DNAAF4: variants seen among roughly 807,000 people sequenced by gnomAD.
DNAAF4 encodes dynein axonemal assembly factor 4.
DNAAF4 carries 43 observed loss-of-function variants against 51.8 expected under a neutral mutation model. The ratio of observed to expected loss-of-function variants is 0.83; its 90% CI spans 0.65 to 1.07. DNAAF4 has a LOEUF of 1.07. Among genes scored for constraint, DNAAF4 ranks in the 50% least tolerant of loss-of-function variants. The probability of loss-of-function intolerance (pLI) is 0.00; values close to 1 mark genes in which losing one functional copy is unlikely to be tolerated. For missense variants in DNAAF4, 581 were observed against 493.0 expected (o/e 1.18, Z -1.69); for synonymous variants, 194 against 165.6 (o/e 1.17, Z -1.32).
chr15:55,434,983 C>T lies in DNAAF4; in HGVS notation c.969G>A (p.Met323Ile). The change falls in exon 8 of 10, where the codon ATG becomes ATA. Residue 323 changes from methionine (M) to isoleucine (I), a missense_variant. Coordinates refer to ENST00000321149, the MANE Select transcript of DNAAF4 (RefSeq NM_130810.4). ...CAGCCCGGTTCAAATACAATAGTGG[C>T]ATCTTATTATTTAGTCTTATGGCTA... ...YNLAIRLNNKMPLLYLNRAAC... is the reference protein window; with the variant it reads ...YNLAIRLNNKIPLLYLNRAAC... 6.2e-7 allele frequency: 1 copy of T among 1,613,096 alleles called. No homozygotes were observed. Among genetic ancestry groups the T allele is most frequent in the South Asian group, 1.1e-5 (1 of 90,700 alleles).
chr15:55,421,173 G>C (rs915469007), intron 7 of DNAAF4, among the ~76,000 whole-genome samples: 1 of 138,812 alleles, frequency 7.2e-6, no homozygotes, highest in Non-Finnish European at 1.5e-5. Context: ...CTGGGCAACA[G>C]AGTGAGACTA....
At chr15:55,462,970 G>GA (rs2058114757) in intron 5 of DNAAF4, among the ~76,000 whole-genome samples, 1 of 152,128 alleles carries the variant, frequency 6.6e-6, no homozygotes, top group Non-Finnish European at 1.5e-5. Flanking sequence ...CAGGAGTTTT[G>GA]AGGCCAGCCT....
chr15:55,479,116 TC>T (rs1045474961), intron 4 of DNAAF4, among the ~76,000 whole-genome samples: 3 of 150,956 alleles, frequency 2.0e-5, no homozygotes, highest in Non-Finnish European at 2.9e-5. Flanking sequence ...GCTATACTAA[TC>T]CTGAGACATC....
Position 55,498,593 on chromosome 15 carries a change from GAAAAA to G in DNAAF4, c.-255-14_-255-10del, listed in dbSNP as rs3049057. ...AAGTAGACCCATACCCTCTGCTTGA[GAAAAA>G]AAAAAAAAAAAAAAAGCACTCTGTG... On this transcript the variant is annotated splice_polypyrimidine_tract_variant and intron_variant, in intron 1 of 9. Coordinates refer to ENST00000321149, the MANE Select transcript of DNAAF4 (RefSeq NM_130810.4). 33 of 74,696 alleles carry G rather than the reference GAAAAA, an allele frequency of 4.4e-4. No homozygotes were observed. The highest frequency in any genetic ancestry group is 1.7e-3 in the African/African-American group (29 of 17,202). The allele number at this position is 74,696 out of a possible 1,614,324, so 4.6% of individuals were successfully genotyped here. A position where few individuals can be genotyped will look rare whatever the true frequency, so the allele number is the denominator to read the frequency against.
Position 55,476,162 on chromosome 15 carries a change from C to T in DNAAF4, c.406-9001G>A, listed in dbSNP as rs80040599. Among the ~76,000 whole-genome samples the T allele has an allele frequency of 1.6e-3, 244 of 152,214 alleles. 1 individual carries two copies. The highest frequency in any genetic ancestry group is 5.8e-3 in the African/African-American group (239 of 41,534). On this transcript the variant is annotated intron_variant, in intron 4 of 9. Transcript: ENST00000321149. Reference sequence around the variant, plus strand: ...GCTAATAGACCTGCTCTATAAGATACACTTTTTTAAAAAAGGGCAGGGCAT... The same window carrying T: ...GCTAATAGACCTGCTCTATAAGATATACTTTTTTAAAAAAGGGCAGGGCAT...
At chr15:55,455,297 T>TG (rs2058001520) in intron 5 of DNAAF4, among the ~76,000 whole-genome samples, 3 of 148,712 alleles carry the variant, frequency 2.0e-5, no homozygotes, top group Non-Finnish European at 4.4e-5. Flanking sequence ...GTATACAATC[T>TG]AGACAAGAAC....
intron 4 of DNAAF4, among the ~76,000 whole-genome samples, chr15:55,476,941 C>T (rs184865352): frequency 2.2e-4 from 33 of 152,166 alleles, no homozygotes; most frequent in African/African-American, 7.5e-4. Flanking sequence ...GAGGCCAAGG[C>T]GGGTGGATCA....
downstream of DNAAF4, among the ~76,000 whole-genome samples, chr15:55,428,530 T>C (rs2141391317): frequency 7.1e-6 from 1 of 140,224 alleles, no homozygotes; most frequent in South Asian, 2.6e-4. Flanking sequence ...AGTCTTGCTC[T>C]TTCACCCAGG....
chr15:55,426,717 G>C (rs1301635612), downstream of DNAAF4, among the ~76,000 whole-genome samples: 1 of 152,160 alleles, frequency 6.6e-6, no homozygotes, highest in Admixed American at 6.6e-5. Flanking sequence ...ACTGAGCCTG[G>C]CCCAAAATTT....
At chr15:55,448,500 C>A (rs1171165409) in intron 6 of DNAAF4, among the ~76,000 whole-genome samples, 76 of 61,704 alleles carry the variant, frequency 1.2e-3, no homozygotes, top group African/African-American at 1.5e-3. Flanking sequence ...ACCCCCAACT[C>A]AAAAAAAAAA....
At chr15:55,469,069 G>C (rs570337017) in intron 4 of DNAAF4, among the ~76,000 whole-genome samples, 2 of 152,092 alleles carry the variant, frequency 1.3e-5, no homozygotes, top group Non-Finnish European at 2.9e-5. Flanking sequence ...GGTGGCTCAC[G>C]CCTGAAATCC....
At chr15:55,486,286 T>G (rs1373194177) in intron 4 of DNAAF4, among the ~76,000 whole-genome samples, 1 of 151,036 alleles carries the variant, frequency 6.6e-6, no homozygotes, top group Non-Finnish European at 1.5e-5. Flanking sequence ...CTCCGCTTCC[T>G]GGGTTCCAGC....
chr15:55,489,668 C>A, intron 4 of DNAAF4, among the ~76,000 whole-genome samples: 1 of 118,788 alleles, frequency 8.4e-6, no homozygotes, highest in African/African-American at 3.8e-5. Context: ...GAGCCAGACA[C>A]CATTTCAAAA....
chr15:55,457,618 G>A (rs2058039244), intron 5 of DNAAF4, among the ~76,000 whole-genome samples: 1 of 152,132 alleles, frequency 6.6e-6, no homozygotes, highest in Admixed American at 6.5e-5. Context: ...AGCCACCATA[G>A]CAACTCATAA....
chr15:55,471,909 C>T (rs1444801592), intron 4 of DNAAF4, among the ~76,000 whole-genome samples: 1 of 152,016 alleles, frequency 6.6e-6, no homozygotes, highest in African/African-American at 2.4e-5. Context: ...GCACGATCTT[C>T]GCTCACTGCA....
chr15:55,442,723 G>C (rs1378977019), intron 6 of DNAAF4: 103 of 1,540,496 alleles, frequency 6.7e-5, no homozygotes, highest in South Asian at 2.1e-4. Flanking sequence ...AACATTACTG[G>C]AAACAAAAAA....
chr15:55,482,464 G>T (rs2058425233), intron 4 of DNAAF4, among the ~76,000 whole-genome samples: 1 of 152,012 alleles, frequency 6.6e-6, no homozygotes, highest in African/African-American at 2.4e-5. Context: ...ATCACCTGAG[G>T]TCAAGAGTTA....
intron 4 of DNAAF4, among the ~76,000 whole-genome samples, chr15:55,476,552 G>A (rs1337449010): frequency 1.3e-5 from 2 of 152,120 alleles, no homozygotes; most frequent in African/African-American, 2.4e-5. Flanking sequence ...GTGGGTAAGC[G>A]TAAAAGACAA....
chr15:55,455,477 A>G (rs2058006380), intron 5 of DNAAF4, among the ~76,000 whole-genome samples: 1 of 150,072 alleles, frequency 6.7e-6, no homozygotes, highest in Non-Finnish European at 1.5e-5. Context: ...TGTCACCCAC[A>G]CTGGAATGCA....
Sources: allele counts gnomAD v4.1 joint callset (sites outside exome capture counted in the v4.1 genomes callset), GRCh38; gene constraint gnomAD v4.1.1; transcripts MANE v1.5; gene names NCBI Gene and HGNC (gene_info 2026-07-23, HGNC 2026-07-21).